The following BIRC6 variants were observed in gnomAD, a reference collection of about 807,000 sequenced individuals.
BIRC6 encodes dual E2 ubiquitin-conjugating enzyme/E3 ubiquitin-protein ligase BIRC6.
BIRC6 carries 98 observed loss-of-function variants against 503.3 expected under a neutral mutation model. That is an observed-to-expected ratio of 0.19 (90% CI 0.17 to 0.23). The LOEUF (loss-of-function observed/expected upper bound fraction) is 0.23. Among genes scored for constraint, BIRC6 ranks in the 10% least tolerant of loss-of-function variants. The pLI is 1.00. For missense variants in BIRC6, 5,360 were observed against 5,806.0 expected (o/e 0.92, Z 2.50); for synonymous variants, 2,240 against 2,078.7 (o/e 1.08, Z -2.11).
At chr2:32,431,152 G>A (rs200178449) in intron 12 of BIRC6, 62 bp downstream of exon 12, 555 of 608,300 alleles carry the variant, frequency 9.1e-4, no homozygotes, top group Non-Finnish European at 1.2e-3. Flanking sequence ...CAGAGACAAC[G>A]TAGAATTCCT....
intron 17 of BIRC6, 39 bp downstream of exon 17, chr2:32,441,501 G>T (rs937785951): frequency 6.4e-7 from 1 of 1,572,130 alleles, no homozygotes; most frequent in Non-Finnish European, 8.7e-7. Flanking sequence ...TTACAGTAAT[G>T]AAAGTGCAGA....
At chr2:32,483,278 T>C (rs1159897372) in intron 39 of BIRC6, among the ~76,000 whole-genome samples, 5 of 152,234 alleles carry the variant, frequency 3.3e-5, no homozygotes, top group Admixed American at 6.5e-5. Flanking sequence ...TTTAATAAAA[T>C]ACATTTTTTC....
chr2:32,606,774 G>A (rs1167341266), intron 71 of BIRC6, among the ~76,000 whole-genome samples: 1 of 152,024 alleles, frequency 6.6e-6, no homozygotes, highest in African/African-American at 2.4e-5. Flanking sequence ...GGGAGGCCGA[G>A]GCAGGCAGAT....
intron 53 of BIRC6, among the ~76,000 whole-genome samples, chr2:32,511,572 C>A: frequency 6.7e-6 from 1 of 148,218 alleles, no homozygotes; most frequent in Non-Finnish European, 1.5e-5. Flanking sequence ...CCTCATGATC[C>A]GCCCACCTCA....
At chr2:32,604,961 C>T (rs12469533) in intron 71 of BIRC6, among the ~76,000 whole-genome samples, 2,357 of 150,060 alleles carry the variant, frequency 0.016, 129 homozygotes, top group Admixed American at 0.12. Flanking sequence ...TGGCTTACTA[C>T]AACCTCTGCG....
At chr2:32,586,700 T>G (rs1250626946) in intron 66 of BIRC6, among the ~76,000 whole-genome samples, 2 of 152,118 alleles carry the variant, frequency 1.3e-5, no homozygotes, top group Admixed American at 1.3e-4. Context: ...ATTACAAATG[T>G]GAGCCACTAC....
chr2:32,493,671 A>C lies in BIRC6; in HGVS notation c.8468+4A>C, dbSNP rs1438126994. 10 of 1,592,526 alleles carry C rather than the reference A, an allele frequency of 6.3e-6. No homozygotes were observed. The highest frequency in any genetic ancestry group is 7.7e-6 in the Non-Finnish European group (9 of 1,165,648). On this transcript the variant is annotated splice_donor_region_variant and intron_variant, in intron 45 of 73. Coordinates refer to ENST00000421745, the MANE Select transcript of BIRC6 (RefSeq NM_016252.4). ...TTCATATACTTTCAACTGAAAGGTA[A>C]ATTTTTGTGTACTAATTTGTTCCTG...
intron 4 of BIRC6, among the ~76,000 whole-genome samples, chr2:32,389,760 A>G (rs1162050660): frequency 1.3e-5 from 2 of 152,170 alleles, no homozygotes; most frequent in South Asian, 2.1e-4. Context: ...GTAGTGGCAC[A>G]ATCTTGGCTC....
intron 41 of BIRC6, among the ~76,000 whole-genome samples, chr2:32,488,225 C>T (rs2051240475): frequency 1.3e-5 from 2 of 152,040 alleles, no homozygotes; most frequent in African/African-American, 4.8e-5. Flanking sequence ...TGCCTACAGT[C>T]CCAGCTACTC....
At chr2:32,605,564 A>G (rs574834537) in intron 71 of BIRC6, among the ~76,000 whole-genome samples, 2 of 152,322 alleles carry the variant, frequency 1.3e-5, no homozygotes, top group East Asian at 3.9e-4. Context: ...CAGAAGTGTC[A>G]GTAAATGTGA....
At chr2:32,599,670 A>C in intron 69 of BIRC6, 69 bp from the exon 70 acceptor site, 1 of 1,476,570 alleles carries the variant, frequency 6.8e-7, no homozygotes, top group Non-Finnish European at 9.3e-7. Context: ...TTCATGTTGG[A>C]TTGTATTTTT....
Position 32,509,778 on chromosome 2 carries a change from A to G in BIRC6, c.10021A>G (p.Ile3341Val), listed in dbSNP as rs146442505. The G allele has an allele frequency of 9.4e-5, 151 of 1,613,926 alleles. No homozygotes were observed. Among genetic ancestry groups the G allele is most frequent in the Admixed American group, 2.3e-4 (14 of 60,000 alleles). The change falls in exon 52 of 74, where the codon ATA becomes GTA. Residue 3341 changes from isoleucine (I) to valine (V), a missense_variant. Ile to Val is a conservative substitution (Grantham distance 29). Around this residue, in one of 16 missense-constraint regions of BIRC6, gnomAD observed 878 missense variants for 928.9 expected, o/e 0.95. Transcript: ENST00000421745. ...LRLLHHCLTH[I>V]SDLEGMMASA... ...GTTATTACATCATTGCCTTACTCAC[A>G]TAAGTGATCTAGAAGGAATGATGGC...
In BIRC6 at chr2:32,415,010, A is replaced by G. The variant is rs145068503; in HGVS notation, c.1719A>G (p.Leu573=). The G allele has an allele frequency of 3.1e-4, 497 of 1,613,836 alleles. 3 individuals carry two copies. In the East Asian group the frequency reaches 0.011, roughly 36 times the overall value. ...CATGTTTATTAGCTGGAGGTTTATT[A>G]ACATATAAATCTCCTGCTACCTCAC... The part of the protein sequence containing the change: ...PFPCLLAGGL[L]TYKSPATSPI... The change falls in exon 10 of 74, where the codon TTA becomes TTG. Residue 573 remains leucine, a synonymous_variant. Transcript: ENST00000421745.
At chr2:32,489,467 A>G (rs1328497274) in intron 42 of BIRC6, among the ~76,000 whole-genome samples, 1 of 151,598 alleles carries the variant, frequency 6.6e-6, no homozygotes, top group Non-Finnish European at 1.5e-5. Flanking sequence ...ATCTGTTTTT[A>G]ATTTTATTAT....
In BIRC6 at chr2:32,445,609, T is replaced by C; in HGVS notation, c.4425T>C (p.Thr1475=). 6.2e-7 allele frequency: 1 copy of C among 1,608,216 alleles called. No individual in the cohort carries two copies. ...GTACAGCTTGTGCATCTTTGCTTAC[T>C]GCAGTGTCCAGACAGTTACAGGACA... ...GCSTACASLL[T]AVSRQLQDRL... The change falls in exon 21 of 74, where the codon ACT becomes ACC. Residue 1475 remains threonine, a synonymous_variant. Transcript: ENST00000421745.
intron 1 of BIRC6, among the ~76,000 whole-genome samples, chr2:32,367,006 T>C (rs944067720): frequency 1.3e-5 from 2 of 152,156 alleles, no homozygotes; most frequent in Non-Finnish European, 2.9e-5. Context: ...ATTTTTTGCA[T>C]ACTGTAGAAC....
intron 71 of BIRC6, 111 bp from the exon 72 acceptor site, chr2:32,607,344 G>A (rs1387405943): frequency 8.5e-6 from 6 of 708,522 alleles, no homozygotes; most frequent in Non-Finnish European, 1.3e-5. Flanking sequence ...TATTGTGATA[G>A]AAATTTGTGG....
chr2:32,388,530 A>C (rs1462737346), intron 3 of BIRC6, among the ~76,000 whole-genome samples: 1 of 152,162 alleles, frequency 6.6e-6, no homozygotes, highest in African/African-American at 2.4e-5. Context: ...TTCTTTACCC[A>C]GTCACCCATT....
chr2:32,502,394 A>G (rs1015973890), intron 47 of BIRC6, among the ~76,000 whole-genome samples: 1 of 152,124 alleles, frequency 6.6e-6, no homozygotes, highest in Non-Finnish European at 1.5e-5. Flanking sequence ...TCCATTTCCC[A>G]TTTTGAAATG....
Sources: allele counts gnomAD v4.1 joint callset (sites outside exome capture counted in the v4.1 genomes callset), GRCh38; gene constraint gnomAD v4.1.1; regional missense constraint gnomAD v4.1.1; transcripts MANE v1.5; gene names NCBI Gene and HGNC (gene_info 2026-07-23, HGNC 2026-07-21).